The following ANKS1B variants were observed in gnomAD, a reference collection of about 807,000 sequenced individuals.
The protein encoded by ANKS1B is ankyrin repeat and sterile alpha motif domain-containing protein 1B.
In ANKS1B, 36 loss-of-function variants were observed where a neutral mutation model predicts 148.3. That is an observed-to-expected ratio of 0.24 (90% CI 0.19 to 0.32). The LOEUF (loss-of-function observed/expected upper bound fraction) is 0.32. Ranked by LOEUF, ANKS1B falls within the 10% of genes least tolerant of loss-of-function variation. ANKS1B has a pLI of 1.00. For missense variants in ANKS1B, 1,157 were observed against 1,542.6 expected (o/e 0.75, Z 4.19); for synonymous variants, 542 against 560.8 (o/e 0.97, Z 0.47).
intron 25 of ANKS1B, among the ~76,000 whole-genome samples, chr12:98,764,804 T>C (rs1220314996): frequency 6.6e-6 from 1 of 152,152 alleles, no homozygotes; most frequent in East Asian, 1.9e-4. Flanking sequence ...AACCTGCGCG[T>C]CCCTCCTCTT....
At chr12:99,788,133 G>A (rs1317203616) in intron 4 of ANKS1B, among the ~76,000 whole-genome samples, 1 of 152,214 alleles carries the variant, frequency 6.6e-6, no homozygotes, top group African/African-American at 2.4e-5. Context: ...GACCTAGGGA[G>A]ACAGCGGCAG....
rs3054223 is a variant in ANKS1B, at chr12:99,897,852, T to TA, written c.135-72464dup. 5.3e-3 allele frequency among the ~76,000 whole-genome samples: 620 copies of TA among 117,954 alleles called. 8 individuals are homozygous for TA. The highest frequency in any genetic ancestry group is 9.5e-3 in the African/African-American group (337 of 35,448). The allele number at this position is 117,954 out of a possible 152,430, so 77.4% of individuals were successfully genotyped here. A position where few individuals can be genotyped will look rare whatever the true frequency, so the allele number is the denominator to read the frequency against. On this transcript the variant is annotated intron_variant, in intron 1 of 26. Transcript: ENST00000683438. The stretch of plus-strand genomic sequence containing the variant: ...GACATAAAGTTTGAAAATTAAAAGT[T>TA]AAAAAAAAAAAAAAAAACCCTGAAA...
chr12:99,651,336 C>A (rs2098417871), intron 9 of ANKS1B, among the ~76,000 whole-genome samples: 2 of 152,066 alleles, frequency 1.3e-5, no homozygotes, highest in Non-Finnish European at 2.9e-5. Flanking sequence ...CACTTTTCAG[C>A]AAATAATTTC....
chr12:99,652,086 TACACACAC>T (rs1491419647), intron 9 of ANKS1B, among the ~76,000 whole-genome samples: 1 of 149,520 alleles, frequency 6.7e-6, no homozygotes, highest in African/African-American at 2.4e-5. Flanking sequence ...TATATATATA[TACACACAC>T]ATATACACAC....
chr12:99,225,433 C>G (rs537114722), intron 14 of ANKS1B, among the ~76,000 whole-genome samples: 1 of 152,154 alleles, frequency 6.6e-6, no homozygotes, highest in South Asian at 2.1e-4. Flanking sequence ...ATTGTTAATA[C>G]TGAATGTCAA....
intron 14 of ANKS1B, among the ~76,000 whole-genome samples, chr12:99,165,795 T>G (rs1451182441): frequency 1.3e-5 from 2 of 152,040 alleles, no homozygotes; most frequent in Middle Eastern, 6.8e-3. Flanking sequence ...AGCATTATTT[T>G]GATACCAAAA....
intron 14 of ANKS1B, among the ~76,000 whole-genome samples, chr12:99,222,074 A>C (rs2085212321): frequency 6.6e-6 from 1 of 152,034 alleles, no homozygotes; most frequent in Non-Finnish European, 1.5e-5. Flanking sequence ...TTAATGGGTT[A>C]AAAAAACAAG....
At chr12:99,331,061 G>A (rs1380458127) in intron 12 of ANKS1B, among the ~76,000 whole-genome samples, 1 of 151,870 alleles carries the variant, frequency 6.6e-6, no homozygotes, top group East Asian at 1.9e-4. Flanking sequence ...AAAAAGCTTT[G>A]TAATCACTTG....
At chr12:99,468,258 C>G (rs1330486512) in intron 10 of ANKS1B, among the ~76,000 whole-genome samples, 6 of 152,186 alleles carry the variant, frequency 3.9e-5, no homozygotes, top group Non-Finnish European at 8.8e-5. Context: ...GAAACTGGAT[C>G]TCTTCCTTAC....
chr12:99,849,765 A>T (rs1453415105), intron 1 of ANKS1B, among the ~76,000 whole-genome samples: 1 of 152,188 alleles, frequency 6.6e-6, no homozygotes, highest in Non-Finnish European at 1.5e-5. Flanking sequence ...GAATGATTCC[A>T]TCTGAACAAG....
chr12:99,953,992 T>C (rs2095273428), intron 1 of ANKS1B, among the ~76,000 whole-genome samples: 1 of 152,222 alleles, frequency 6.6e-6, no homozygotes, highest in Admixed American at 6.5e-5. Context: ...TTTATTAATT[T>C]ACTTAAGAAA....
At chr12:98,868,771 A>G (rs534713181) in intron 17 of ANKS1B, among the ~76,000 whole-genome samples, 1 of 152,326 alleles carries the variant, frequency 6.6e-6, no homozygotes, top group South Asian at 2.1e-4. Context: ...CTGATTGATT[A>G]CTATTTGTCC....
intron 2 of ANKS1B, among the ~76,000 whole-genome samples, chr12:99,823,231 T>G (rs2082724013): frequency 6.6e-6 from 1 of 152,202 alleles, no homozygotes; most frequent in African/African-American, 2.4e-5. Context: ...TTTTCTCCCA[T>G]TCTATAGTTT....
At chr12:99,762,309 T>C (rs1249966549) in intron 8 of ANKS1B, among the ~76,000 whole-genome samples, 1 of 151,116 alleles carries the variant, frequency 6.6e-6, no homozygotes, top group Non-Finnish European at 1.5e-5. Context: ...ACAGCTACAA[T>C]AACAAATACT....
chr12:98,868,780 C>T (rs997403384), intron 17 of ANKS1B, among the ~76,000 whole-genome samples: 1 of 152,160 alleles, frequency 6.6e-6, no homozygotes, highest in Non-Finnish European at 1.5e-5. Context: ...TACTATTTGT[C>T]CAGTCTCTCA....
In ANKS1B at chr12:99,566,270, A is replaced by G. The variant is rs963763460; in HGVS notation, c.1273-61629T>C. ...GTAAGAGAAAACCAGTAGCAACTTC[A>G]ATACTTTGCTTGAAATCTCCTTAGC... On this transcript the variant is annotated intron_variant, in intron 9 of 26. Transcript: ENST00000683438. Among the ~76,000 whole-genome samples, 21 of 152,196 alleles carry G rather than the reference A, an allele frequency of 1.4e-4. 1 individual carries two copies. The highest frequency in any genetic ancestry group is 5.1e-4 in the African/African-American group (21 of 41,454).
At chr12:99,782,183 T>G (rs772534223) in intron 4 of ANKS1B, 86 bp from the exon 5 acceptor site, 36 of 1,051,988 alleles carry the variant, frequency 3.4e-5, no homozygotes, top group Non-Finnish European at 4.7e-5. Context: ...ATTTTACATA[T>G]TCATACATAT....
chr12:99,723,556 T>C (rs2058317403), intron 8 of ANKS1B, among the ~76,000 whole-genome samples: 1 of 152,138 alleles, frequency 6.6e-6, no homozygotes, highest in South Asian at 2.1e-4. Flanking sequence ...GACTTAGCCT[T>C]TCCTCCTGCT....
chr12:98,746,821 T>C (rs1214566498), intron 26 of ANKS1B, among the ~76,000 whole-genome samples: 3 of 152,138 alleles, frequency 2.0e-5, no homozygotes, highest in Non-Finnish European at 2.9e-5. Context: ...GAGGGGGCAT[T>C]TGAAGTAGAT....
Sources: gnomAD v4.1 joint callset for allele counts (sites outside exome capture counted in the v4.1 genomes callset) on GRCh38, gnomAD v4.1.1 for gene constraint, MANE v1.5 for transcripts, NCBI Gene and HGNC (gene_info 2026-07-23, HGNC 2026-07-21) for gene names.